The following NKAIN3 variants were observed in gnomAD, a reference collection of about 807,000 sequenced individuals.
NKAIN3 encodes sodium/potassium transporting ATPase interacting 3.
In NKAIN3, 25 loss-of-function variants were observed where a neutral mutation model predicts 30.2. The observed-to-expected ratio is 0.83, with a 90% CI of 0.60 to 1.16. The LOEUF (loss-of-function observed/expected upper bound fraction) is 1.16, where lower values mean the gene tolerates loss of function less well. NKAIN3 is among the 50% of genes most tolerant of loss of function. The pLI is 0.00. For missense variants in NKAIN3, 225 were observed against 254.1 expected (o/e 0.89, Z 0.78); for synonymous variants, 91 against 89.6 (o/e 1.02, Z -0.09).
chr8:62,404,678 C>A (rs1038812795), intron 1 of NKAIN3, among the ~76,000 whole-genome samples: 27 of 152,226 alleles, frequency 1.8e-4, no homozygotes, highest in African/African-American at 6.3e-4. Flanking sequence ...AACTTCTTTC[C>A]TTTATATATT....
intron 4 of NKAIN3, among the ~76,000 whole-genome samples, chr8:62,833,873 A>T (rs530050416): frequency 1.3e-5 from 2 of 152,254 alleles, no homozygotes; most frequent in Admixed American, 1.3e-4. Context: ...ACACCACGAA[A>T]AAAGAAAACT....
intron 1 of NKAIN3, among the ~76,000 whole-genome samples, chr8:62,400,701 G>GT (rs59358606): frequency 0.56 from 82,993 of 148,266 alleles, 23,385 homozygotes; most frequent in Non-Finnish European, 0.61. Flanking sequence ...AAAGTTAACA[G>GT]TTTTTTTTTT....
At chr8:62,586,013 TG>T (rs1810460066) in intron 2 of NKAIN3, among the ~76,000 whole-genome samples, 2 of 152,228 alleles carry the variant, frequency 1.3e-5, no homozygotes, top group Admixed American at 1.3e-4. Flanking sequence ...TTAGCAAATT[TG>T]TTTAACATTT....
intron 1 of NKAIN3, among the ~76,000 whole-genome samples, chr8:62,500,475 AAGAAAGAAAG>A (rs1450569296): frequency 6.8e-6 from 1 of 146,918 alleles, no homozygotes; most frequent in Non-Finnish European, 1.5e-5. Context: ...GAAAGAAAGA[AAGAAAGAAAG>A]AAGAAAAGAA....
intron 3 of NKAIN3, among the ~76,000 whole-genome samples, chr8:62,687,055 A>G (rs1422305395): frequency 2.6e-5 from 4 of 152,264 alleles, no homozygotes; most frequent in Non-Finnish European, 4.4e-5. Flanking sequence ...TATGATAATA[A>G]TGATTATGAA....
At chr8:62,362,663 A>G (rs1207181464) in intron 1 of NKAIN3, among the ~76,000 whole-genome samples, 1 of 152,126 alleles carries the variant, frequency 6.6e-6, no homozygotes, top group Non-Finnish European at 1.5e-5. Context: ...GCAAGATAGT[A>G]TTGCTAAAAG....
At chr8:62,766,660 CA>C (rs140157239) in intron 4 of NKAIN3, among the ~76,000 whole-genome samples, 3 of 152,020 alleles carry the variant, frequency 2.0e-5, no homozygotes, top group South Asian at 2.1e-4. Flanking sequence ...GGCTATTGAG[CA>C]AAAAAACCTT....
chr8:62,256,156 G>C lies in NKAIN3; in HGVS notation c.54+7029G>C, dbSNP rs116892843. 1.1e-3 allele frequency among the ~76,000 whole-genome samples: 163 copies of C among 152,196 alleles called. 4 individuals are homozygous for C. In the East Asian group the frequency reaches 0.03, roughly 28 times the overall value. On this transcript the variant is annotated intron_variant, in intron 1 of 6. Coordinates refer to ENST00000623646, the MANE Select transcript of NKAIN3 (RefSeq NM_001304533.3). ...ATACTGGGTGTGGTGCCTCATGCCT[G>C]TAATCCAGCACTGTGGGAGACTGAG...
At chr8:62,637,022 C>G (rs1812151298) in intron 3 of NKAIN3, among the ~76,000 whole-genome samples, 1 of 151,984 alleles carries the variant, frequency 6.6e-6, no homozygotes, top group Admixed American at 6.6e-5. Context: ...CTACAGCTAT[C>G]AGTTTTTTCT....
chr8:62,503,128 A>G (rs1344170174), intron 1 of NKAIN3, among the ~76,000 whole-genome samples: 7 of 152,164 alleles, frequency 4.6e-5, no homozygotes. Flanking sequence ...CCAATATTTC[A>G]ACATAGGTTC....
chr8:62,968,857 T>A lies in NKAIN3; in HGVS notation c.*3450T>A, dbSNP rs1393180633. On this transcript the variant is annotated 3_prime_UTR_variant, in exon 7 of 7. Coordinates refer to ENST00000623646, the MANE Select transcript of NKAIN3 (RefSeq NM_001304533.3). ...TTTTCTTTATTTGAGCTTCTGGTCA[T>A]GTTTCAAAGCCATCAAAATCTAAGC... Among the ~76,000 whole-genome samples, 2 of 152,204 alleles carry A rather than the reference T, an allele frequency of 1.3e-5. No individual in the cohort carries two copies. The highest frequency in any genetic ancestry group is 4.8e-5 in the African/African-American group (2 of 41,454).
Position 62,383,865 on chromosome 8 carries a change from C to A in NKAIN3, c.54+134738C>A, listed in dbSNP as rs1219222796. On this transcript the variant is annotated intron_variant, in intron 1 of 6. Transcript: ENST00000623646. ...TCACCTGCTGGTTTAGCTACAGTGA[C>A]AATTTCATGAATTTTCTTTTTTTTT... Among the ~76,000 whole-genome samples, 3 of 146,378 alleles carry A rather than the reference C, an allele frequency of 2.0e-5. No individual in the cohort carries two copies. The East Asian group carries it at 6.4e-4, about 31-fold the overall frequency.
At position 62,363,971 on chromosome 8, in the gene NKAIN3, A is replaced by G. The variant is rs537343957; in HGVS notation, c.54+114844A>G. Among the ~76,000 whole-genome samples the G allele has an allele frequency of 7.9e-5, 12 of 152,366 alleles. 1 individual carries two copies. The East Asian group carries it at 2.3e-3, about 29-fold the overall frequency. ...CAGATGAGAAATAATTTCAAAAACGATGTGGAAGGATGCAGTGTGCCATGC... is the reference window on the plus strand; with the variant it reads ...CAGATGAGAAATAATTTCAAAAACGGTGTGGAAGGATGCAGTGTGCCATGC... On this transcript the variant is annotated intron_variant, in intron 1 of 6. Coordinates refer to ENST00000623646, the MANE Select transcript of NKAIN3 (RefSeq NM_001304533.3).
chr8:62,901,253 G>C (rs1340600413), intron 4 of NKAIN3, among the ~76,000 whole-genome samples: 1 of 152,112 alleles, frequency 6.6e-6, no homozygotes, highest in Non-Finnish European at 1.5e-5. Context: ...CGGAGGATGA[G>C]CAGATCCTTG....
chr8:62,938,504 C>T (rs1487164452), intron 5 of NKAIN3, among the ~76,000 whole-genome samples: 1 of 151,734 alleles, frequency 6.6e-6, no homozygotes, highest in Non-Finnish European at 1.5e-5. Context: ...CACTTCACTC[C>T]CCTGCTACCT....
intron 1 of NKAIN3, among the ~76,000 whole-genome samples, chr8:62,278,690 C>T (rs754433559): frequency 3.6e-4 from 55 of 152,066 alleles, no homozygotes; most frequent in African/African-American, 1.3e-3. Context: ...CATCCATGTC[C>T]CTATAAAGGA....
chr8:62,646,257 A>T (rs1812457605), intron 3 of NKAIN3, among the ~76,000 whole-genome samples: 2 of 152,106 alleles, frequency 1.3e-5, no homozygotes, highest in South Asian at 4.1e-4. Flanking sequence ...TAAGAGGTTT[A>T]AATAAAATAA....
chr8:62,920,127 G>A (rs778759402), intron 5 of NKAIN3, among the ~76,000 whole-genome samples: 1 of 152,156 alleles, frequency 6.6e-6, no homozygotes, highest in Non-Finnish European at 1.5e-5. Flanking sequence ...ACAGTTGGTT[G>A]AGCATGAACA....
intron 1 of NKAIN3, among the ~76,000 whole-genome samples, chr8:62,382,069 C>T (rs1209605651): frequency 2.0e-5 from 3 of 152,016 alleles, no homozygotes; most frequent in Admixed American, 1.3e-4. Flanking sequence ...GAAACTGACA[C>T]CATGCACAGT....
Sources: gnomAD v4.1 joint callset for allele counts (sites outside exome capture counted in the v4.1 genomes callset) on GRCh38, gnomAD v4.1.1 for gene constraint, MANE v1.5 for transcripts, NCBI Gene and HGNC (gene_info 2026-07-23, HGNC 2026-07-21) for gene names.